CYP39A1: variants seen among roughly 807,000 people sequenced by gnomAD.
The protein encoded by CYP39A1 is cytochrome P450 family 39 subfamily A member 1.
In CYP39A1, 49 loss-of-function variants were observed where a neutral mutation model predicts 58.1. That is an observed-to-expected ratio of 0.84 (90% CI 0.67 to 1.07). The LOEUF (loss-of-function observed/expected upper bound fraction) is 1.07, where lower values mean the gene tolerates loss of function less well. CYP39A1 is among the 50% of genes least tolerant of loss of function. The pLI is 0.00. For missense variants in CYP39A1, 531 were observed against 539.4 expected (o/e 0.98, Z 0.16); for synonymous variants, 209 against 187.6 (o/e 1.11, Z -0.93).
intron 7 of CYP39A1, among the ~76,000 whole-genome samples, chr6:46,598,421 C>T (rs948034144): frequency 6.6e-6 from 1 of 152,148 alleles, no homozygotes; most frequent in Admixed American, 6.6e-5. Flanking sequence ...CTTTCGTGCA[C>T]ATGGCATAAT....
rs1187888017 is a variant in CYP39A1, at chr6:46,652,761, T to C, written c.-179A>G. On this transcript the variant is annotated 5_prime_UTR_variant, in exon 1 of 12. It removes an upstream start codon present in the reference 5' UTR. Transcript: ENST00000275016. ...TCCCAGTTTTCAGGTGATTTTTCCA[T>C]TGTCGCTCCCTCCCACCTCCACTTC... 1 of 553,726 alleles carries C rather than the reference T, an allele frequency of 1.8e-6. No individual in the cohort carries two copies. The highest frequency in any genetic ancestry group is 3.2e-5 in the East Asian group (1 of 31,634). The allele number at this position is 553,726 out of a possible 1,614,324, so 34.3% of individuals were successfully genotyped here.
intron 10 of CYP39A1, among the ~76,000 whole-genome samples, chr6:46,571,836 T>A (rs1771601035): frequency 6.6e-6 from 1 of 152,114 alleles, no homozygotes. Flanking sequence ...CTTTCTGATA[T>A]GATTCGTTTT....
chr6:46,622,191 C>T (rs981464712), intron 7 of CYP39A1, among the ~76,000 whole-genome samples: 2 of 152,026 alleles, frequency 1.3e-5, no homozygotes, highest in Non-Finnish European at 2.9e-5. Context: ...CAGAAAGTGA[C>T]TCCTAATGGG....
At chr6:46,569,218 T>TACTATATATACA (rs1771454130) in intron 10 of CYP39A1, among the ~76,000 whole-genome samples, 1 of 152,138 alleles carries the variant, frequency 6.6e-6, no homozygotes, top group South Asian at 2.1e-4. Context: ...GGATTTTTTG[T>TACTATATATACA]GTGTTCATAC....
chr6:46,652,258 A>G (rs1582485666), intron 1 of CYP39A1, 148 bp downstream of exon 1: 1 of 764,026 alleles, frequency 1.3e-6, no homozygotes, highest in Non-Finnish European at 2.0e-6. Flanking sequence ...AATTGTTAGT[A>G]GAGGAATTCA....
intron 1 of CYP39A1, among the ~76,000 whole-genome samples, chr6:46,643,151 T>TG (rs984074989): frequency 3.9e-5 from 6 of 152,072 alleles, no homozygotes; most frequent in African/African-American, 1.4e-4. Context: ...ATGACCTTGT[T>TG]GGGAAAAAAA....
At chr6:46,626,099 A>G (rs7761583) in intron 6 of CYP39A1, among the ~76,000 whole-genome samples, 1 of 151,804 alleles carries the variant, frequency 6.6e-6, no homozygotes, top group Non-Finnish European at 1.5e-5. Flanking sequence ...AAGAAAAAAA[A>G]TTTTTGAGTC....
chr6:46,643,050 C>T (rs1017839771), intron 1 of CYP39A1, among the ~76,000 whole-genome samples: 2 of 152,160 alleles, frequency 1.3e-5, no homozygotes, highest in African/African-American at 4.8e-5. Context: ...ATGACTCTCT[C>T]TCTCCTACAT....
intron 1 of CYP39A1, among the ~76,000 whole-genome samples, chr6:46,644,101 A>G (rs1030536210): frequency 6.6e-6 from 1 of 152,174 alleles, no homozygotes; most frequent in African/African-American, 2.4e-5. Flanking sequence ...ATCTTAAATG[A>G]TGCCCTTTTA....
intron 10 of CYP39A1, among the ~76,000 whole-genome samples, chr6:46,567,103 C>A (rs2150490177): frequency 6.6e-6 from 1 of 152,138 alleles, no homozygotes; most frequent in East Asian, 1.9e-4. Flanking sequence ...ACTTATTAAT[C>A]TTGTAACTGA....
At chr6:46,640,796 CCT>C (rs985985449) in intron 2 of CYP39A1, among the ~76,000 whole-genome samples, 13 of 132,838 alleles carry the variant, frequency 9.8e-5, no homozygotes, top group East Asian at 2.7e-4. Context: ...CTAGTAGTCC[CCT>C]GTGTCCATTG....
intron 1 of CYP39A1, among the ~76,000 whole-genome samples, chr6:46,646,010 G>A (rs541081422): frequency 6.6e-6 from 1 of 152,124 alleles, no homozygotes; most frequent in Non-Finnish European, 1.5e-5. Context: ...TTATTCCAGA[G>A]GTTTTTGTAG....
intron 7 of CYP39A1, among the ~76,000 whole-genome samples, chr6:46,597,350 A>T (rs9463213): frequency 0.21 from 31,193 of 152,064 alleles, 3,593 homozygotes; most frequent in African/African-American, 0.32. Flanking sequence ...GACTAGTACA[A>T]CATGTAGGCA....
At chr6:46,611,124 C>A (rs1331702032) in intron 7 of CYP39A1, among the ~76,000 whole-genome samples, 1 of 152,240 alleles carries the variant, frequency 6.6e-6, no homozygotes, top group African/African-American at 2.4e-5. Context: ...CAGCCACCAG[C>A]TTCTTCCAAG....
intron 1 of CYP39A1, among the ~76,000 whole-genome samples, chr6:46,644,411 G>A (rs1331700639): frequency 6.6e-6 from 1 of 152,088 alleles, no homozygotes; most frequent in Non-Finnish European, 1.5e-5. Flanking sequence ...CTACTGCTTT[G>A]GGGGTCTGAG....
intron 1 of CYP39A1, among the ~76,000 whole-genome samples, chr6:46,648,711 G>A (rs1273271685): frequency 1.3e-5 from 2 of 151,698 alleles, no homozygotes. Context: ...AAACAGTATT[G>A]GCACAACAAG....
intron 7 of CYP39A1, among the ~76,000 whole-genome samples, chr6:46,603,884 A>G (rs954233454): frequency 1.1e-4 from 17 of 152,192 alleles, no homozygotes; most frequent in Admixed American, 6.6e-5. Context: ...ATTGCTTAGA[A>G]GTCCAGATTT....
intron 8 of CYP39A1, among the ~76,000 whole-genome samples, chr6:46,593,696 G>C (rs574251915): frequency 6.6e-6 from 1 of 152,124 alleles, no homozygotes; most frequent in East Asian, 1.9e-4. Context: ...ATATAAAAAA[G>C]CAAACAATAG....
chr6:46,617,060 A>T (rs552559000), intron 7 of CYP39A1, among the ~76,000 whole-genome samples: 3 of 152,150 alleles, frequency 2.0e-5, no homozygotes, highest in Non-Finnish European at 4.4e-5. Context: ...AGTAAAGATG[A>T]TTGTCTACAT....
Sources: allele counts gnomAD v4.1 joint callset (sites outside exome capture counted in the v4.1 genomes callset), GRCh38; gene constraint gnomAD v4.1.1; transcripts MANE v1.5; gene names NCBI Gene and HGNC (gene_info 2026-07-23, HGNC 2026-07-21).